Variants in DNAH14 observed in about 807,000 individuals in gnomAD.
DNAH14 encodes the protein dynein axonemal heavy chain 14.
In DNAH14, 478 loss-of-function variants were observed where a neutral mutation model predicts 520.9. That is an observed-to-expected ratio of 0.92 (90% CI 0.85 to 0.99). The LOEUF (loss-of-function observed/expected upper bound fraction) is 0.99, where lower values mean the gene tolerates loss of function less well. Ranked by LOEUF, DNAH14 falls within the 50% of genes least tolerant of loss-of-function variation. The probability of loss-of-function intolerance (pLI) is 0.00; values close to 1 mark genes in which losing one functional copy is unlikely to be tolerated. For synonymous variants in DNAH14, 1,581 were observed against 1,757.2 expected (o/e 0.90, Z 2.51); for missense variants, 4,831 against 5,234.5 (o/e 0.92, Z 2.38).
At chr1:225,224,942 C>T (rs901578568) in intron 41 of DNAH14, among the ~76,000 whole-genome samples, 1 of 152,178 alleles carries the variant, frequency 6.6e-6, no homozygotes, top group African/African-American at 2.4e-5. Context: ...TCTTTGACTT[C>T]AGCAATTGCT....
intron 55 of DNAH14, among the ~76,000 whole-genome samples, chr1:225,291,070 T>C (rs556113200): frequency 6.6e-6 from 1 of 152,184 alleles, no homozygotes; most frequent in East Asian, 1.9e-4. Flanking sequence ...TCTGTTCCAC[T>C]TTTTACTCCT....
In DNAH14 at chr1:225,358,487, C is replaced by T; in HGVS notation, c.11620-9C>T. 2 of 1,500,416 alleles carry T rather than the reference C, an allele frequency of 1.3e-6. No homozygotes were observed. Among genetic ancestry groups the T allele is most frequent in the Non-Finnish European group, 1.8e-6 (2 of 1,125,694 alleles). 92.9% of individuals were successfully genotyped at this position (1,500,416 alleles called of 1,614,324 possible). A position where few individuals can be genotyped will look rare whatever the true frequency, so the allele number is the denominator to read the frequency against. On this transcript the variant is annotated splice_polypyrimidine_tract_variant and intron_variant, in intron 73 of 85. Coordinates refer to ENST00000682510, the MANE Select transcript of DNAH14 (RefSeq NM_001367479.1). ...AATTTTACCTTATCTTCCATGTTTTCTTTTTTAGGTAAAAGTTCTTAGACC... is the reference window on the plus strand; with the variant it reads ...AATTTTACCTTATCTTCCATGTTTTTTTTTTTAGGTAAAAGTTCTTAGACC...
intron 17 of DNAH14, among the ~76,000 whole-genome samples, chr1:225,059,652 C>CA (rs2069728126): frequency 6.6e-6 from 1 of 151,954 alleles, no homozygotes; most frequent in South Asian, 2.1e-4. Flanking sequence ...CATGTTTTTG[C>CA]AGTGGCTGGT....
At chr1:225,175,757 G>T (rs550986687) in intron 36 of DNAH14, among the ~76,000 whole-genome samples, 34 of 133,786 alleles carry the variant, frequency 2.5e-4, no homozygotes, top group Admixed American at 7.2e-4. Flanking sequence ...TAACTAGAGT[G>T]CACTGGTGCG....
At chr1:225,157,807 CTT>C (rs1427262501) in intron 34 of DNAH14, among the ~76,000 whole-genome samples, 1 of 152,194 alleles carries the variant, frequency 6.6e-6, no homozygotes. Flanking sequence ...CTTGCCCTCT[CTT>C]TGCCAAAATA....
intron 1 of DNAH14, among the ~76,000 whole-genome samples, chr1:224,941,758 A>T (rs939929207): frequency 5.9e-5 from 9 of 152,312 alleles, no homozygotes; most frequent in Middle Eastern, 3.4e-3. Flanking sequence ...CCATTTATTA[A>T]ATAGGGAATC....
At chr1:225,086,969 T>C (rs973693751) in intron 21 of DNAH14, among the ~76,000 whole-genome samples, 15 of 147,264 alleles carry the variant, frequency 1.0e-4, no homozygotes. Context: ...ATTAAGCACA[T>C]TCAAGAAGCT....
At chr1:225,086,202 G>A (rs756213739) in intron 21 of DNAH14, among the ~76,000 whole-genome samples, 7 of 151,548 alleles carry the variant, frequency 4.6e-5, no homozygotes, top group African/African-American at 7.3e-5. Context: ...GTGCTGTCTC[G>A]GCTCACTGCA....
chr1:225,023,252 AG>A (rs997701584), intron 10 of DNAH14, among the ~76,000 whole-genome samples: 2 of 152,186 alleles, frequency 1.3e-5, no homozygotes, highest in African/African-American at 4.8e-5. Context: ...TAAAAGTAGA[AG>A]AAAAAACAAA....
intron 36 of DNAH14, among the ~76,000 whole-genome samples, chr1:225,180,947 A>G (rs2083915163): frequency 6.6e-6 from 1 of 152,180 alleles, no homozygotes; most frequent in Non-Finnish European, 1.5e-5. Flanking sequence ...ATAGTACACA[A>G]TAGGAATTTT....
Position 225,019,635 on chromosome 1 carries a change from G to A in DNAH14, c.1108-3980G>A, listed in dbSNP as rs149909309. Among the ~76,000 whole-genome samples, 28 of 152,200 alleles carry A rather than the reference G, an allele frequency of 1.8e-4. 1 individual carries two copies. Among genetic ancestry groups the A allele is most frequent in the East Asian group, 5.8e-4 (3 of 5,176 alleles). On this transcript the variant is annotated intron_variant, in intron 10 of 85. Transcript: ENST00000682510. ...TATACATTCTTCTCGTCAGCACATG[G>A]CACATACTCTAAGATTGACCACATA... is the stretch of plus-strand genomic sequence containing the variant.
chr1:225,252,271 C>G (rs1453373925), intron 43 of DNAH14, 30 bp from the exon 44 acceptor site: 4 of 1,227,148 alleles, frequency 3.3e-6, no homozygotes, highest in Non-Finnish European at 3.5e-6. Flanking sequence ...GAACCCCTTT[C>G]TTAGTTGAAT....
At chr1:225,361,912 A>G (rs2095496599) in intron 75 of DNAH14, among the ~76,000 whole-genome samples, 1 of 152,200 alleles carries the variant, frequency 6.6e-6, no homozygotes, top group African/African-American at 2.4e-5. Flanking sequence ...TTTCACATTT[A>G]TTTCATGACT....
At chr1:225,004,003 C>A (rs2063969686) in intron 9 of DNAH14, among the ~76,000 whole-genome samples, 1 of 152,104 alleles carries the variant, frequency 6.6e-6, no homozygotes, top group East Asian at 1.9e-4. Flanking sequence ...GAGAACATTA[C>A]TAGTGATAGA....
chr1:225,089,175 G>A (rs551592637), intron 21 of DNAH14, among the ~76,000 whole-genome samples: 6 of 152,216 alleles, frequency 3.9e-5, no homozygotes, highest in East Asian at 1.9e-4. Context: ...TGGGTGCGAC[G>A]GCTCATGCCT....
In DNAH14 at chr1:225,358,691, T is replaced by A. The variant is rs1339491815; in HGVS notation, c.11776+39T>A. The A allele has an allele frequency of 3.3e-6, 5 of 1,531,244 alleles. No homozygotes were observed. In the South Asian group the frequency reaches 6.3e-5, roughly 19 times the overall value. 94.9% of individuals were successfully genotyped at this position (1,531,244 alleles called of 1,614,324 possible). On this transcript the variant is annotated intron_variant, in intron 74 of 85. Coordinates refer to ENST00000682510, the MANE Select transcript of DNAH14 (RefSeq NM_001367479.1). ...GAATAGTTAAGATGATCGATATGGTTTGGCTCTGTGTCCCCACCCAAATCT... is the reference window on the plus strand; with the variant it reads ...GAATAGTTAAGATGATCGATATGGTATGGCTCTGTGTCCCCACCCAAATCT...
rs1229114707 is a variant in DNAH14, at chr1:225,381,562, G to C, written c.13060G>C (p.Val4354Leu). 1.2e-5 allele frequency: 19 copies of C among 1,520,402 alleles called. No homozygotes were observed. The highest frequency in any genetic ancestry group is 1.7e-5 in the Non-Finnish European group (19 of 1,136,878). 94.2% of individuals were successfully genotyped at this position (1,520,402 alleles called of 1,614,324 possible). ...EIFNSFLNMR[V>L]PTLWQKHAYR... ...ATTTAACTCTTTTCTTAATATGAGA[G>C]TGCCTACATTGTGGCAGGTAAGCAA... The change falls in exon 81 of 86, where the codon GTG becomes CTG. Residue 4354 changes from valine (V) to leucine (L), a missense_variant. Transcript: ENST00000682510.
intron 1 of DNAH14, among the ~76,000 whole-genome samples, chr1:224,941,018 C>T (rs568280813): frequency 1.3e-5 from 2 of 152,250 alleles, no homozygotes; most frequent in South Asian, 2.1e-4. Context: ...TTTTATAATC[C>T]TTTGGGTATA....
intron 8 of DNAH14, among the ~76,000 whole-genome samples, chr1:224,978,080 A>T (rs182635389): frequency 6.6e-6 from 1 of 152,356 alleles, no homozygotes; most frequent in African/African-American, 2.4e-5. Flanking sequence ...AAATTAGCAC[A>T]ACCATATGGA....
Sources: allele counts gnomAD v4.1 joint callset (sites outside exome capture counted in the v4.1 genomes callset), GRCh38; gene constraint gnomAD v4.1.1; transcripts MANE v1.5; gene names NCBI Gene and HGNC (gene_info 2026-07-23, HGNC 2026-07-21).